Variants in NCOA2 observed in about 807,000 individuals in gnomAD.
NCOA2 encodes the protein nuclear receptor coactivator 2, also known as class E basic helix-loop-helix protein 75.
NCOA2 carries 21 observed loss-of-function variants against 145.1 expected under a neutral mutation model. The ratio of observed to expected loss-of-function variants is 0.14; its 90% confidence interval spans 0.10 to 0.21. NCOA2 has a LOEUF of 0.21. Ranked by LOEUF, NCOA2 falls within the 10% of genes least tolerant of loss-of-function variation. NCOA2 has a pLI of 1.00. For missense variants in NCOA2, 1,472 were observed against 1,837.6 expected (o/e 0.80, Z 3.64); for synonymous variants, 619 against 637.5 (o/e 0.97, Z 0.44).
intron 1 of NCOA2, among the ~76,000 whole-genome samples, chr8:70,376,162 TCC>T (rs1426261638): frequency 1.6e-4 from 24 of 152,256 alleles, no homozygotes; most frequent in Non-Finnish European, 2.9e-4. Context: ...GATAAGTATT[TCC>T]AAATACAAAA....
intron 1 of NCOA2, among the ~76,000 whole-genome samples, chr8:70,337,194 C>A (rs1202829337): frequency 7.1e-6 from 1 of 140,486 alleles, no homozygotes; most frequent in African/African-American, 3.1e-5. Flanking sequence ...CCCAGCACTG[C>A]TGAGGAGTGT....
chr8:70,134,618 A>G (rs868560382), intron 15 of NCOA2, among the ~76,000 whole-genome samples: 12 of 152,324 alleles, frequency 7.9e-5, no homozygotes, highest in Middle Eastern at 6.8e-3. Flanking sequence ...CACTGTCAGG[A>G]GGAGGCAGGC....
intron 1 of NCOA2, among the ~76,000 whole-genome samples, chr8:70,378,020 A>G (rs1021196640): frequency 1.2e-4 from 19 of 152,174 alleles, no homozygotes; most frequent in Non-Finnish European, 2.8e-4. Context: ...AGAAAATTTC[A>G]CCCAAGTTGG....
At chr8:70,437,117 C>A in the NCOA2 span, among the ~76,000 whole-genome samples, 6 of 152,224 alleles carry the variant, frequency 3.9e-5, no homozygotes, top group Non-Finnish European at 7.3e-5. Flanking sequence ...GTTCCTGGTA[C>A]CCTCTCTCCT....
At chr8:70,430,675 C>CACTCAATTAAAAAA in the NCOA2 span, among the ~76,000 whole-genome samples, 6 of 152,086 alleles carry the variant, frequency 3.9e-5, no homozygotes, top group Non-Finnish European at 8.8e-5. Flanking sequence ...TGTTCCCTTT[C>CACTCAATTAAAAAA]ACTCAATTAA....
At chr8:70,407,058 G>A (rs926782642), upstream of NCOA2, among the ~76,000 whole-genome samples, 3 of 152,176 alleles carry the variant, frequency 2.0e-5, no homozygotes, top group African/African-American at 7.2e-5. Flanking sequence ...ACAGATGTAA[G>A]GGAATATTAT....
the NCOA2 span, among the ~76,000 whole-genome samples, chr8:70,452,307 GA>G: frequency 6.6e-6 from 1 of 152,064 alleles, no homozygotes; most frequent in Admixed American, 6.5e-5. Flanking sequence ...GTTCTCCAAA[GA>G]AATAAAAAGT....
chr8:70,126,940 C>T lies in NCOA2; in HGVS notation c.3789G>A (p.Leu1263=). The change falls in exon 19 of 23, where the codon TTG becomes TTA. Residue 1263 remains leucine (L), a synonymous_variant. Transcript: ENST00000452400. The part of the protein sequence containing the change: ...HQQQQVQQRT[L]MMRGQGLNMT... Reference sequence around the variant, plus strand: ...TATTCAACCCTTGTCCTCTCATCATCAAAGTTCGTTGCTGAACTTGCTGTT... The same window carrying T: ...TATTCAACCCTTGTCCTCTCATCATTAAAGTTCGTTGCTGAACTTGCTGTT... 1.2e-6 allele frequency: 2 copies of T among 1,613,944 alleles called. No individual in the cohort carries two copies. The highest frequency in any genetic ancestry group is 1.7e-6 in the Non-Finnish European group (2 of 1,179,872).
chr8:70,423,525 T>C, the NCOA2 span, among the ~76,000 whole-genome samples: 1 of 152,152 alleles, frequency 6.6e-6, no homozygotes, highest in Non-Finnish European at 1.5e-5. Context: ...GATCATAAGA[T>C]GAAAATTTTT....
At chr8:70,442,961 A>G in the NCOA2 span, among the ~76,000 whole-genome samples, 1 of 152,228 alleles carries the variant, frequency 6.6e-6, no homozygotes, top group Non-Finnish European at 1.5e-5. Context: ...CTTACGGGTA[A>G]GCATCCGTAC....
chr8:70,416,574 A>C, the NCOA2 span, among the ~76,000 whole-genome samples: 2 of 152,356 alleles, frequency 1.3e-5, no homozygotes, highest in African/African-American at 4.8e-5. Context: ...CTTAAATTTT[A>C]CTATGATATT....
chr8:70,185,671 A>T (rs922127603), intron 4 of NCOA2, among the ~76,000 whole-genome samples: 1 of 152,174 alleles, frequency 6.6e-6, no homozygotes, highest in Non-Finnish European at 1.5e-5. Context: ...AAAAGTTTAC[A>T]ATCTGACACC....
chr8:70,246,193 G>A (rs1456717249), intron 2 of NCOA2, among the ~76,000 whole-genome samples: 3 of 152,008 alleles, frequency 2.0e-5, no homozygotes, highest in Non-Finnish European at 2.9e-5. Context: ...AATGTCCTTA[G>A]TAACAAGTAG....
chr8:70,375,875 T>C (rs956646604), intron 1 of NCOA2, among the ~76,000 whole-genome samples: 5 of 152,262 alleles, frequency 3.3e-5, no homozygotes, highest in African/African-American at 1.2e-4. Context: ...ATAGCACTGC[T>C]GAATTAAGCA....
At chr8:70,259,968 G>T (rs1823977499) in intron 2 of NCOA2, among the ~76,000 whole-genome samples, 1 of 152,192 alleles carries the variant, frequency 6.6e-6, no homozygotes, top group African/African-American at 2.4e-5. Flanking sequence ...CCAGCAGGAT[G>T]AGTCAAATAC....
intron 2 of NCOA2, among the ~76,000 whole-genome samples, chr8:70,293,393 T>C (rs182516598): frequency 6.6e-6 from 1 of 152,220 alleles, no homozygotes; most frequent in Non-Finnish European, 1.5e-5. Flanking sequence ...ATATCCAATA[T>C]GGTCAAAGTT....
At chr8:70,117,137 C>T (rs1012706960) in intron 22 of NCOA2, among the ~76,000 whole-genome samples, 5 of 152,254 alleles carry the variant, frequency 3.3e-5, no homozygotes, top group Admixed American at 6.5e-5. Context: ...CCAGGATGCA[C>T]GTGAAGGTGA....
At position 70,166,926 on chromosome 8, in the gene NCOA2, A is replaced by G. The variant is rs545466077; in HGVS notation, c.542-172T>C. ...AGGAGGAAAAATCTTTACCATTTTTACAACTTGGGAATATCTTGGGATTTT... is the reference window on the plus strand; with the variant it reads ...AGGAGGAAAAATCTTTACCATTTTTGCAACTTGGGAATATCTTGGGATTTT... On this transcript the variant is annotated intron_variant, in intron 6 of 22. Coordinates refer to ENST00000452400, the MANE Select transcript of NCOA2 (RefSeq NM_006540.4). Among the ~76,000 whole-genome samples, 4 of 152,348 alleles carry G rather than the reference A, an allele frequency of 2.6e-5. No individual in the cohort carries two copies. In the South Asian group the frequency reaches 8.3e-4, roughly 32 times the overall value.
At chr8:70,342,728 G>A (rs1808243712) in intron 1 of NCOA2, among the ~76,000 whole-genome samples, 1 of 136,988 alleles carries the variant, frequency 7.3e-6, no homozygotes, top group African/African-American at 2.7e-5. Flanking sequence ...TTTTTAAAAA[G>A]GACTTCTCCC....
Sources: allele counts gnomAD v4.1 joint callset (sites outside exome capture counted in the v4.1 genomes callset), GRCh38; gene constraint gnomAD v4.1.1; transcripts MANE v1.5; gene names NCBI Gene and HGNC (gene_info 2026-07-23, HGNC 2026-07-21).